EVI5: variants seen among roughly 807,000 people sequenced by gnomAD.
The protein encoded by EVI5 is ecotropic viral integration site 5 protein homolog.
Under a neutral mutation model 112.0 loss-of-function variants are expected in EVI5, and 73 were observed. That is an observed-to-expected ratio of 0.65 (90% CI 0.54 to 0.79). The LOEUF (loss-of-function observed/expected upper bound fraction) is 0.79, where lower values mean the gene tolerates loss of function less well. Ranked by LOEUF, EVI5 falls within the 30% of genes least tolerant of loss-of-function variation. The pLI, the probability that EVI5 is intolerant of heterozygous loss-of-function variation, is 0.00. For missense variants in EVI5, 900 were observed against 968.8 expected (o/e 0.93, Z 0.94); for synonymous variants, 305 against 319.9 (o/e 0.95, Z 0.50).
intron 13 of EVI5, among the ~76,000 whole-genome samples, chr1:92,661,030 C>A (rs1298994562): frequency 6.6e-6 from 1 of 151,940 alleles, no homozygotes; most frequent in African/African-American, 2.4e-5. Context: ...CACACACACA[C>A]ACACAAAACT....
chr1:92,670,583 T>C (rs2102259325), intron 10 of EVI5, among the ~76,000 whole-genome samples: 1 of 152,292 alleles, frequency 6.6e-6, no homozygotes, highest in East Asian at 1.9e-4. Flanking sequence ...TGCCAGTAAA[T>C]ATGACTGAAC....
At chr1:92,636,436 G>T in intron 13 of EVI5, 100 bp from the exon 14 acceptor site, 3 of 939,996 alleles carry the variant, frequency 3.2e-6, no homozygotes, top group East Asian at 2.7e-5. Flanking sequence ...TACATTAAGG[G>T]CAACTAAATA....
chr1:92,742,120 A>C (rs1678503924), intron 1 of EVI5, among the ~76,000 whole-genome samples: 1 of 152,162 alleles, frequency 6.6e-6, no homozygotes, highest in Admixed American at 6.5e-5. Context: ...CACAAAAAAA[A>C]ACAAATAATC....
chr1:92,608,530 C>T (rs1305269357), intron 16 of EVI5, among the ~76,000 whole-genome samples: 1 of 151,942 alleles, frequency 6.6e-6, no homozygotes, highest in Non-Finnish European at 1.5e-5. Context: ...ATGGTGAAAC[C>T]CCGTATCTAC....
rs577717164 is a variant in EVI5 at position 92,635,879 on chromosome 1, A to G, written c.1527+323T>C. ...CATGAAAATATTGCAATATTTGATG[A>G]TAACAGTTAATTTCTGTCACCTGAG... On this transcript the variant is annotated intron_variant, in intron 14 of 19. Coordinates refer to ENST00000684568, the MANE Select transcript of EVI5 (RefSeq NM_001350197.2). Among the ~76,000 whole-genome samples the G allele has an allele frequency of 4.0e-4, 61 of 152,262 alleles. 1 individual carries two copies. Among genetic ancestry groups the G allele is most frequent in the African/African-American group, 1.5e-3 (61 of 41,550 alleles).
chr1:92,585,800 C>A (rs1672682685), intron 18 of EVI5, among the ~76,000 whole-genome samples: 1 of 151,680 alleles, frequency 6.6e-6, no homozygotes, highest in African/African-American at 2.4e-5. Context: ...TGATACATTA[C>A]TACTAAAGTC....
intron 13 of EVI5, among the ~76,000 whole-genome samples, chr1:92,650,556 C>G (rs1404849980): frequency 6.6e-6 from 1 of 151,926 alleles, no homozygotes; most frequent in Non-Finnish European, 1.5e-5. Flanking sequence ...AAGCAAATTT[C>G]TTACAGATAT....
At chr1:92,731,969 C>T (rs1319653533) in intron 2 of EVI5, 11 of 152,346 alleles carry the variant, frequency 7.2e-5, no homozygotes, top group Admixed American at 6.5e-4. Context: ...CATAAAAGAA[C>T]AATTTGAAAT....
chr1:92,627,420 T>C (rs1351846183), intron 14 of EVI5, among the ~76,000 whole-genome samples: 10 of 152,240 alleles, frequency 6.6e-5, no homozygotes, highest in Non-Finnish European at 7.3e-5. Context: ...CACTTGTTGA[T>C]TGATGGGCAT....
chr1:92,740,959 C>G (rs927967996), intron 1 of EVI5, among the ~76,000 whole-genome samples: 1 of 152,120 alleles, frequency 6.6e-6, no homozygotes, highest in Non-Finnish European at 1.5e-5. Flanking sequence ...GCTACCTAAA[C>G]TCTACGTAGA....
At chr1:92,744,835 G>C (rs192362310) in intron 1 of EVI5, among the ~76,000 whole-genome samples, 7 of 152,068 alleles carry the variant, frequency 4.6e-5, no homozygotes, top group African/African-American at 1.7e-4. Context: ...GCTGAAGTCC[G>C]TAAGTAAAAT....
intron 18 of EVI5, among the ~76,000 whole-genome samples, chr1:92,564,123 A>G (rs1669053638): frequency 6.6e-6 from 1 of 152,116 alleles, no homozygotes; most frequent in Non-Finnish European, 1.5e-5. Flanking sequence ...GGGTTTCTCC[A>G]TGCTGGTCAG....
At chr1:92,727,023 C>T (rs936557798) in intron 2 of EVI5, among the ~76,000 whole-genome samples, 2 of 152,120 alleles carry the variant, frequency 1.3e-5, no homozygotes, top group South Asian at 4.2e-4. Flanking sequence ...TTAAATATAA[C>T]AATATTAATA....
chr1:92,550,781 A>AAAAAAAAAAAAAAAAAAAAAAAATAT (rs1557766166), intron 19 of EVI5, among the ~76,000 whole-genome samples: 1 of 20,332 alleles, frequency 4.9e-5, no homozygotes, highest in Non-Finnish European at 7.7e-5. Flanking sequence ...AAAAAAAAAA[A>AAAAAAAAAAAAAAAAAAAAAAAATAT]ATATATATAT....
chr1:92,719,537 G>A (rs1207736901), intron 2 of EVI5, among the ~76,000 whole-genome samples: 2 of 151,904 alleles, frequency 1.3e-5, no homozygotes, highest in African/African-American at 2.4e-5. Context: ...GGTATTGATG[G>A]AACATATCTC....
At chr1:92,545,621 G>T (rs1472048484) in intron 19 of EVI5, among the ~76,000 whole-genome samples, 1 of 152,004 alleles carries the variant, frequency 6.6e-6, no homozygotes, top group Non-Finnish European at 1.5e-5. Flanking sequence ...AATCCCAAAC[G>T]ATTTTTAAAA....
chr1:92,578,041 C>T lies in EVI5; in HGVS notation c.2071-14304G>A, dbSNP rs148181631. Among the ~76,000 whole-genome samples, 1,126 of 152,280 alleles carry T rather than the reference C, an allele frequency of 7.4e-3. 8 individuals are homozygous for T. The highest frequency in any genetic ancestry group is 0.012 in the Non-Finnish European group (828 of 68,022). On this transcript the variant is annotated intron_variant, in intron 18 of 19. Transcript: ENST00000684568. ...CTATATTTCATTTACTAGTGATAAA[C>T]ACTGTCATGCTAGATTAAGTTAAGA... is the stretch of plus-strand genomic sequence containing the variant.
Position 92,513,973 on chromosome 1 carries a change from G to A in EVI5, c.2167-3C>T. ...CTCTGGCCTTTTAGGCACCTGAGCT[G>A]TTAAAACAAAATCCAAGTTAATACA... On this transcript the variant is annotated splice_region_variant and splice_polypyrimidine_tract_variant and intron_variant, in intron 19 of 19. Transcript: ENST00000684568. The A allele has an allele frequency of 1.3e-6, 2 of 1,522,994 alleles. No individual in the cohort carries two copies. The highest frequency in any genetic ancestry group is 2.6e-5 in the South Asian group (2 of 75,928). 94.3% of individuals were successfully genotyped at this position (1,522,994 alleles called of 1,614,324 possible).
At chr1:92,742,025 G>GA (rs1490958627) in intron 1 of EVI5, among the ~76,000 whole-genome samples, 4 of 151,608 alleles carry the variant, frequency 2.6e-5, no homozygotes, top group African/African-American at 9.7e-5. Flanking sequence ...AAATAACCCA[G>GA]AAAAATGAAA....
Sources: gnomAD v4.1 joint callset for allele counts (sites outside exome capture counted in the v4.1 genomes callset) on GRCh38, gnomAD v4.1.1 for gene constraint, MANE v1.5 for transcripts, NCBI Gene and HGNC (gene_info 2026-07-23, HGNC 2026-07-21) for gene names.